OSBPL5: variants seen among roughly 807,000 people sequenced by gnomAD.
OSBPL5 encodes the protein oxysterol-binding protein-related protein 5.
In OSBPL5, 71 loss-of-function variants were observed where a neutral mutation model predicts 111.2. The observed-to-expected ratio is 0.64, with a 90% CI of 0.53 to 0.78. OSBPL5 has a LOEUF of 0.78. Ranked by LOEUF, OSBPL5 falls within the 30% of genes least tolerant of loss-of-function variation. The probability of loss-of-function intolerance (pLI) is 0.00; values close to 1 mark genes in which losing one functional copy is unlikely to be tolerated. For missense variants in OSBPL5, 1,210 were observed against 1,189.3 expected (o/e 1.02, Z -0.26); for synonymous variants, 549 against 513.9 (o/e 1.07, Z -0.93).
Position 3,088,062 on chromosome 11 carries a change from G to A in OSBPL5, c.*143C>T, listed in dbSNP as rs1856931540. 5 of 772,032 alleles carry A rather than the reference G, an allele frequency of 6.5e-6. No individual in the cohort carries two copies. The highest frequency in any genetic ancestry group is 7.3e-5 in the Admixed American group (2 of 27,332). The allele number at this position is 772,032 out of a possible 1,614,324, so 47.8% of individuals were successfully genotyped here. ...ACACCTGGGCCCGCAGCGCCTTGTG[G>A]CCCCGGGTCCCTCCTGCGCCTGGAC... On this transcript the variant is annotated 3_prime_UTR_variant, in exon 22 of 22. Coordinates refer to ENST00000263650, the MANE Select transcript of OSBPL5 (RefSeq NM_020896.4).
rs145377016 is a variant in OSBPL5, at chr11:3,112,234, G to C, written c.692-4289C>G. Among the ~76,000 whole-genome samples, 198 of 152,286 alleles carry C rather than the reference G, an allele frequency of 1.3e-3. 1 individual carries two copies. The highest frequency in any genetic ancestry group is 4.6e-3 in the African/African-American group (191 of 41,550). Reference sequence around the variant, plus strand: ...AAGGGTTTTTTCTTCTCAGTTGACTGAATTCTGTTTCTTGATTTACTTCTG... The same window carrying C: ...AAGGGTTTTTTCTTCTCAGTTGACTCAATTCTGTTTCTTGATTTACTTCTG... On this transcript the variant is annotated intron_variant, in intron 7 of 21. Transcript: ENST00000263650.
chr11:3,089,734 G>T, intron 21 of OSBPL5, 112 bp downstream of exon 21: 1 of 979,810 alleles, frequency 1.0e-6, no homozygotes, highest in Non-Finnish European at 1.6e-6. Context: ...TTCCAGCTCC[G>T]ATGACAACCC....
chr11:3,094,555 GGAGCCTGGGAGGCA>G (rs1857190987), intron 14 of OSBPL5: 43 of 518,164 alleles, frequency 8.3e-5, no homozygotes, highest in Admixed American at 4.1e-4. Context: ...TGGGAGGTGC[GGAGCCTGGGAGGCA>G]CGGAGCCTGG....
chr11:3,153,136 T>G (rs1192403354), intron 1 of OSBPL5, among the ~76,000 whole-genome samples: 1 of 152,014 alleles, frequency 6.6e-6, no homozygotes, highest in Non-Finnish European at 1.5e-5. Flanking sequence ...AGTCCTGTCA[T>G]GTAGCGGTGG....
intron 1 of OSBPL5, among the ~76,000 whole-genome samples, chr11:3,152,159 G>A (rs939585750): frequency 6.6e-6 from 1 of 152,228 alleles, no homozygotes; most frequent in East Asian, 1.9e-4. Flanking sequence ...GTGGCCCTGG[G>A]GGCAAAGCTC....
intron 21 of OSBPL5, among the ~76,000 whole-genome samples, chr11:3,088,901 G>A (rs1257246698): frequency 2.6e-5 from 4 of 152,104 alleles, no homozygotes; most frequent in African/African-American, 7.2e-5. Context: ...CAGCCTCCGG[G>A]ACCGCGAGGG....
chr11:3,146,821 G>A lies in OSBPL5; in HGVS notation c.-21-17652C>T, dbSNP rs1031539000. On this transcript the variant is annotated intron_variant, in intron 1 of 21. Coordinates refer to ENST00000263650, the MANE Select transcript of OSBPL5 (RefSeq NM_020896.4). This position sits in a 1 kb window ranked among gnomAD's most constrained non-coding sequence, Gnocchi z 7.8. ...AGGGCAGCAGACTGCAGGGTCCCTG[G>A]CAGCCAGATCCCCTTCGCCGTGGCT... is the stretch of plus-strand genomic sequence containing the variant. Among the ~76,000 whole-genome samples the A allele has an allele frequency of 6.6e-6, 1 of 152,132 alleles. No homozygotes were observed. Among genetic ancestry groups the A allele is most frequent in the Non-Finnish European group, 1.5e-5 (1 of 68,016 alleles).
In OSBPL5 at chr11:3,088,118, C is replaced by T. The variant is rs957247112; in HGVS notation, c.*87G>A. On this transcript the variant is annotated 3_prime_UTR_variant, in exon 22 of 22. Transcript: ENST00000263650. ...GTCACAGTGGCTGTGCTTGCCGGGC[C>T]TCTCTGCCTCCATGGAGCAGGCTTA... The T allele has an allele frequency of 2.3e-6, 3 of 1,299,562 alleles. No homozygotes were observed. Among genetic ancestry groups the T allele is most frequent in the Non-Finnish European group, 3.1e-6 (3 of 981,118 alleles). 80.5% of individuals were successfully genotyped at this position (1,299,562 alleles called of 1,614,324 possible).
chr11:3,117,626 G>C (rs948844107), intron 7 of OSBPL5, among the ~76,000 whole-genome samples: 1 of 152,196 alleles, frequency 6.6e-6, no homozygotes, highest in Non-Finnish European at 1.5e-5. Context: ...TAGTACAGCT[G>C]TTGTTAGATT....
In OSBPL5 at chr11:3,165,221, A is replaced by G. The variant is rs1365548580; in HGVS notation, c.-27T>C. On this transcript the variant is annotated 5_prime_UTR_variant, in exon 1 of 22. Coordinates refer to ENST00000263650, the MANE Select transcript of OSBPL5 (RefSeq NM_020896.4). The surrounding 1 kb of genome is among the most constrained non-coding windows in gnomAD (Gnocchi z 7.4). ...CCGGGCCGCCGCGCTCCTACCTCCT[A>G]CCGTGCCGCGAGCTCGGTGCTCCGG... The G allele has an allele frequency of 2.0e-5, 3 of 148,436 alleles. No homozygotes were observed. Among genetic ancestry groups the G allele is most frequent in the African/African-American group, 2.5e-5 (1 of 40,394 alleles). 9.2% of individuals were successfully genotyped at this position (148,436 alleles called of 1,614,324 possible).
At chr11:3,143,177 G>A (rs1216115118) in intron 1 of OSBPL5, among the ~76,000 whole-genome samples, 3 of 112,684 alleles carry the variant, frequency 2.7e-5, no homozygotes, top group East Asian at 5.9e-4. Flanking sequence ...GAGGAGGCAG[G>A]TGCAGAGCCG....
In OSBPL5 at chr11:3,113,156, A is replaced by G. The variant is rs957921827; in HGVS notation, c.692-5211T>C. On this transcript the variant is annotated intron_variant, in intron 7 of 21. Coordinates refer to ENST00000263650, the MANE Select transcript of OSBPL5 (RefSeq NM_020896.4). This position sits in a 1 kb window ranked among gnomAD's most constrained non-coding sequence, Gnocchi z 4.8. The stretch of plus-strand genomic sequence containing the variant: ...AAAAGACAAGTCAAATGCTTTTTCA[A>G]GTTTATGTAACTTAAATAAAATCTT... Among the ~76,000 whole-genome samples, 3 of 152,234 alleles carry G rather than the reference A, an allele frequency of 2.0e-5. No homozygotes were observed. Among genetic ancestry groups the G allele is most frequent in the African/African-American group, 7.2e-5 (3 of 41,470 alleles).
chr11:3,128,581 G>A (rs1226468020), intron 2 of OSBPL5, among the ~76,000 whole-genome samples: 1 of 152,190 alleles, frequency 6.6e-6, no homozygotes, highest in East Asian at 1.9e-4. Flanking sequence ...CAGGACCCAT[G>A]TATAGCTGGG....
chr11:3,137,211 C>G (rs1845972413), intron 1 of OSBPL5, among the ~76,000 whole-genome samples: 1 of 152,236 alleles, frequency 6.6e-6, no homozygotes, highest in Admixed American at 6.5e-5. Context: ...TCCCTGAGAG[C>G]AGACAGCAGC....
chr11:3,133,521 C>T (rs1845867759), intron 1 of OSBPL5, among the ~76,000 whole-genome samples: 1 of 152,246 alleles, frequency 6.6e-6, no homozygotes, highest in African/African-American at 2.4e-5. Context: ...TGAGGCCACC[C>T]AAGGTTGATG....
chr11:3,104,296 C>T lies in OSBPL5; in HGVS notation c.1141G>A (p.Gly381Ser). The T allele has an allele frequency of 6.2e-7, 1 of 1,613,790 alleles. No individual in the cohort carries two copies. The highest frequency in any genetic ancestry group is 8.5e-7 in the Non-Finnish European group (1 of 1,179,980). The change falls in exon 10 of 22, where the codon GGC becomes AGC. Residue 381 changes from glycine (G) to serine (S), a missense_variant. Transcript: ENST00000263650. The surrounding 1 kb of genome is among the most constrained non-coding windows in gnomAD (Gnocchi z 5.0). Reference protein sequence around the residue: ...MWTLLKQLRPGMDLSRVVLPT... With the variant: ...MWTLLKQLRPSMDLSRVVLPT... ...AGCACCACGCGGGACAGGTCCATGC[C>T]TGGCCGTAGCTGCTTCAGCAGGGTC...
chr11:3,119,497 C>A, intron 7 of OSBPL5, 50 bp downstream of exon 7: 1 of 1,520,944 alleles, frequency 6.6e-7, no homozygotes, highest in Non-Finnish European at 8.8e-7. Context: ...AAAAGGGGGC[C>A]CACTTCAGGT....
intron 1 of OSBPL5, among the ~76,000 whole-genome samples, chr11:3,129,742 A>G (rs947530602): frequency 6.6e-6 from 1 of 152,154 alleles, no homozygotes; most frequent in African/African-American, 2.4e-5. Context: ...GGGTGCCCCA[A>G]CAGTTTCAGT....
chr11:3,135,950 C>T (rs1161851696), intron 1 of OSBPL5, among the ~76,000 whole-genome samples: 1 of 152,242 alleles, frequency 6.6e-6, no homozygotes, highest in Non-Finnish European at 1.5e-5. Context: ...ACCCCCACTG[C>T]ATAGGCTGGA....
Sources: gnomAD v4.1 joint callset for allele counts (sites outside exome capture counted in the v4.1 genomes callset) on GRCh38, gnomAD v4.1.1 for gene constraint, Gnocchi (gnomAD v3.1) non-coding constraint, MANE v1.5 for transcripts, NCBI Gene and HGNC (gene_info 2026-07-23, HGNC 2026-07-21) for gene names.